The following PELI1 variants were observed in gnomAD, a reference collection of about 807,000 sequenced individuals.
PELI1 encodes the protein pellino E3 ubiquitin protein ligase 1.
In PELI1, 15 loss-of-function variants were observed where a neutral mutation model predicts 41.3. That is an observed-to-expected ratio of 0.36 (90% CI 0.24 to 0.56). The LOEUF is 0.56. PELI1 is among the 20% of genes least tolerant of loss of function. The probability of loss-of-function intolerance (pLI) is 0.82; values close to 1 mark genes in which losing one functional copy is unlikely to be tolerated. For synonymous variants in PELI1, 178 were observed against 180.1 expected (o/e 0.99, Z 0.09); for missense variants, 403 against 525.5 (o/e 0.77, Z 2.28).
At chr2:64,134,074 T>G (rs913473636) in intron 1 of PELI1, among the ~76,000 whole-genome samples, 1 of 151,740 alleles carries the variant, frequency 6.6e-6, no homozygotes, top group Non-Finnish European at 1.5e-5. Flanking sequence ...ATTTAAGGAG[T>G]AGGAGGAAAA....
chr2:64,134,626 T>C (rs1681658729), intron 1 of PELI1, among the ~76,000 whole-genome samples: 2 of 152,174 alleles, frequency 1.3e-5, no homozygotes, highest in South Asian at 4.1e-4. Context: ...GATCCTTTGA[T>C]GGTAAATTTA....
intron 1 of PELI1, among the ~76,000 whole-genome samples, chr2:64,115,966 G>T (rs183254877): frequency 6.6e-6 from 1 of 152,086 alleles, no homozygotes; most frequent in Non-Finnish European, 1.5e-5. Flanking sequence ...AGTGACCAAC[G>T]ACAAATATTT....
intron 1 of PELI1, among the ~76,000 whole-genome samples, chr2:64,132,666 G>A (rs1681592988): frequency 6.6e-6 from 1 of 152,152 alleles, no homozygotes; most frequent in African/African-American, 2.4e-5. Flanking sequence ...TAGGGAATAA[G>A]TCTAGGAATA....
chr2:64,115,888 A>G (rs1680973403), intron 1 of PELI1, among the ~76,000 whole-genome samples: 1 of 152,266 alleles, frequency 6.6e-6, no homozygotes, highest in African/African-American at 2.4e-5. Flanking sequence ...AATTATGAGT[A>G]GTGCTGAGAT....
At chr2:64,114,118 C>T (rs1471928854) in intron 1 of PELI1, among the ~76,000 whole-genome samples, 4 of 152,114 alleles carry the variant, frequency 2.6e-5, no homozygotes, top group Non-Finnish European at 5.9e-5. Context: ...TGTTTTAAAA[C>T]ATGAAAATGT....
rs1351365247 is a variant in PELI1 at position 64,104,777 on chromosome 2, G to C, written c.125C>G (p.Ala42Gly). ...GDRGRRKSRF[A>G]LFKRPKANGV... ...ATTTGCCTTAGGTCTTTTAAACAAAGCAAACCTACTTTTCCTCCTTCCTCT... is the reference window on the plus strand; with the variant it reads ...ATTTGCCTTAGGTCTTTTAAACAAACCAAACCTACTTTTCCTCCTTCCTCT... The change falls in exon 3 of 7, where the codon GCT becomes GGT. Residue 42 changes from alanine to glycine, a missense_variant. Transcript: ENST00000358912. 1 of 1,611,182 alleles carries C rather than the reference G, an allele frequency of 6.2e-7. No individual in the cohort carries two copies. The highest frequency in any genetic ancestry group is 1.7e-5 in the Admixed American group (1 of 59,642).
chr2:64,114,049 A>G (rs1335859645), intron 1 of PELI1, among the ~76,000 whole-genome samples: 1 of 152,176 alleles, frequency 6.6e-6, no homozygotes. Context: ...TCTTCTGAGC[A>G]CTTCTATTTT....
At chr2:64,099,217 T>C (rs1680344046) in intron 4 of PELI1, among the ~76,000 whole-genome samples, 2 of 152,014 alleles carry the variant, frequency 1.3e-5, no homozygotes, top group Non-Finnish European at 2.9e-5. Context: ...TATTTATCTA[T>C]ATTTTATTAA....
rs1025902702 is a variant in PELI1, at chr2:64,123,532, C to T, written c.-69-15153G>A. 3.3e-5 allele frequency among the ~76,000 whole-genome samples: 5 copies of T among 152,008 alleles called. No individual in the cohort carries two copies. The East Asian group carries it at 7.7e-4, about 23-fold the overall frequency. Reference sequence around the variant, plus strand: ...CATTTATTTCTCCAAAGAAGATATACAAATAGCCAATATGTACATAAAAAG... The same window carrying T: ...CATTTATTTCTCCAAAGAAGATATATAAATAGCCAATATGTACATAAAAAG... On this transcript the variant is annotated intron_variant, in intron 1 of 6. Transcript: ENST00000358912.
chr2:64,115,970 A>G (rs1344354244), intron 1 of PELI1, among the ~76,000 whole-genome samples: 1 of 152,208 alleles, frequency 6.6e-6, no homozygotes, highest in Admixed American at 6.5e-5. Flanking sequence ...ACCAACGACA[A>G]ATATTTCAGT....
At chr2:64,127,946 G>A (rs909230399) in intron 1 of PELI1, among the ~76,000 whole-genome samples, 9 of 151,696 alleles carry the variant, frequency 5.9e-5, no homozygotes, top group Non-Finnish European at 8.8e-5. Flanking sequence ...GGCTCCTCCC[G>A]TTCATATAAT....
chr2:64,127,071 T>C (rs1027766323), intron 1 of PELI1, among the ~76,000 whole-genome samples: 12 of 152,244 alleles, frequency 7.9e-5, no homozygotes, highest in African/African-American at 2.9e-4. Context: ...AAAATCTCTT[T>C]ATACTCTTAG....
intron 1 of PELI1, among the ~76,000 whole-genome samples, chr2:64,111,251 A>AGT (rs1468537058): frequency 6.6e-6 from 1 of 152,152 alleles, no homozygotes; most frequent in Non-Finnish European, 1.5e-5. Flanking sequence ...CAGCCTGTGT[A>AGT]GTGGCACTTT....
At chr2:64,136,194 C>CT (rs542476342) in intron 1 of PELI1, among the ~76,000 whole-genome samples, 80 of 146,568 alleles carry the variant, frequency 5.5e-4, no homozygotes, top group East Asian at 5.9e-4. Flanking sequence ...ACCACTGCCA[C>CT]TTTTTTTTTT....
Position 64,095,281 on chromosome 2 carries a change from A to G in PELI1, c.691-13T>C, listed in dbSNP as rs1322002967. 4.4e-6 allele frequency: 7 copies of G among 1,589,532 alleles called. No individual in the cohort carries two copies. In the South Asian group the frequency reaches 4.4e-5, roughly 10 times the overall value. On this transcript the variant is annotated splice_polypyrimidine_tract_variant and intron_variant, in intron 6 of 6. Coordinates refer to ENST00000358912, the MANE Select transcript of PELI1 (RefSeq NM_020651.4). ...TTTCAATTTCCACCTAGAGGAGACA[A>G]GAGTTGAAAAACATATTCACCACTC...
intron 1 of PELI1, among the ~76,000 whole-genome samples, chr2:64,140,446 C>A (rs892510084): frequency 6.6e-6 from 1 of 152,024 alleles, no homozygotes; most frequent in African/African-American, 2.4e-5. Context: ...ACATCTAGTA[C>A]AACATTCCGA....
chr2:64,121,660 C>A (rs933272705), intron 1 of PELI1, among the ~76,000 whole-genome samples: 1 of 152,148 alleles, frequency 6.6e-6, no homozygotes, highest in Non-Finnish European at 1.5e-5. Flanking sequence ...AATCCCAGCA[C>A]TTTGGAAGGC....
chr2:64,095,344 A>G, intron 6 of PELI1, 76 bp from the exon 7 acceptor site: 1 of 848,726 alleles, frequency 1.2e-6, no homozygotes, highest in Non-Finnish European at 1.9e-6. Flanking sequence ...GGTTTTAAGT[A>G]CTCCTTACTC....
intron 1 of PELI1, among the ~76,000 whole-genome samples, chr2:64,128,186 C>T (rs913652632): frequency 1.3e-5 from 2 of 152,080 alleles, no homozygotes; most frequent in African/African-American, 2.4e-5. Flanking sequence ...CTGCTTTGCA[C>T]CCTGATATTT....
Sources: gnomAD v4.1 joint callset for allele counts (sites outside exome capture counted in the v4.1 genomes callset) on GRCh38, gnomAD v4.1.1 for gene constraint, MANE v1.5 for transcripts, NCBI Gene and HGNC (gene_info 2026-07-23, HGNC 2026-07-21) for gene names.